Variants in ZFTRAF1 observed in about 807,000 individuals in gnomAD.
The protein encoded by ZFTRAF1 is zinc finger TRAF-type-containing protein 1.
At chr8:144,462,860 C>G in the ZFTRAF1 span, 3 of 152,782 alleles carry the variant, frequency 2.0e-5, no homozygotes, top group African/African-American at 4.8e-5. Context: ...TCTTTGTTTT[C>G]GCTGTGCGCT....
the ZFTRAF1 span, chr8:144,462,756 C>G: frequency 6.7e-6 from 1 of 150,116 alleles, no homozygotes; most frequent in South Asian, 1.8e-4. Flanking sequence ...CCGCCGCGAA[C>G]CCGCAGCCCC....
the ZFTRAF1 span, chr8:144,451,274 T>C: frequency 6.2e-6 from 1 of 160,926 alleles, no homozygotes; most frequent in African/African-American, 2.4e-5. Flanking sequence ...CAGGCAGCCC[T>C]GCCTGCACAG....
the ZFTRAF1 span, among the ~76,000 whole-genome samples, chr8:144,460,612 G>A: frequency 6.6e-6 from 1 of 152,260 alleles, no homozygotes; most frequent in Non-Finnish European, 1.5e-5. Context: ...GCCAAGCGCA[G>A]TGGCTCATGC....
chr8:144,453,693 G>A, the ZFTRAF1 span: 1 of 538,066 alleles, frequency 1.9e-6, no homozygotes, highest in Non-Finnish European at 3.3e-6. Flanking sequence ...TAAAAGCAAG[G>A]CCTCATCAGC....
chr8:144,454,875 G>A, the ZFTRAF1 span: 1 of 152,312 alleles, frequency 6.6e-6, no homozygotes, highest in African/African-American at 2.4e-5. Flanking sequence ...TGTTCACTCA[G>A]CACCTGTGGA....
the ZFTRAF1 span, chr8:144,452,687 C>T: frequency 1.1e-6 from 1 of 945,792 alleles, no homozygotes; most frequent in South Asian, 1.6e-5. Flanking sequence ...ACACACGTAA[C>T]TGTGAGCCCA....
At chr8:144,462,397 CGCCTCGGCT>C in the ZFTRAF1 span, 4 of 425,424 alleles carry the variant, frequency 9.4e-6, no homozygotes, top group Non-Finnish European at 8.3e-6. Context: ...CCGCCTCGGC[CGCCTCGGCT>C]GCCCGCAGCC....
At chr8:144,457,272 C>G in the ZFTRAF1 span, 1 of 152,100 alleles carries the variant, frequency 6.6e-6, no homozygotes, top group Non-Finnish European at 1.5e-5. Flanking sequence ...GTGCTGGGCT[C>G]AGACGCCAGC....
the ZFTRAF1 span, chr8:144,457,179 GTCATGGGGGAATGACA>G: frequency 1.3e-5 from 2 of 149,116 alleles, no homozygotes; most frequent in African/African-American, 5.0e-5. Context: ...GGGGAATGAT[GTCATGGGGGAATGACA>G]TCACGGGGGA....
the ZFTRAF1 span, chr8:144,453,844 C>T: frequency 4.9e-6 from 1 of 203,352 alleles, no homozygotes; most frequent in Non-Finnish European, 1.0e-5. Flanking sequence ...ACACTGGGCT[C>T]TTGGCCATCA....
chr8:144,453,537 C>A, the ZFTRAF1 span: 1 of 1,345,110 alleles, frequency 7.4e-7, no homozygotes, highest in Non-Finnish European at 1.0e-6. Flanking sequence ...TGCCCATCAG[C>A]TCCAGCCAGG....
At chr8:144,462,177 G>A in the ZFTRAF1 span, 2 of 367,496 alleles carry the variant, frequency 5.4e-6, no homozygotes, top group Non-Finnish European at 9.7e-6. Context: ...GTTCCCGGCC[G>A]CCGGGCCCCG....
At chr8:144,450,190 T>G in the ZFTRAF1 span, 1 of 567,694 alleles carries the variant, frequency 1.8e-6, no homozygotes, top group Non-Finnish European at 3.2e-6. Flanking sequence ...GAGGCAGGGG[T>G]CGGGGGGGTG....
At chr8:144,455,104 TAGG>T in the ZFTRAF1 span, 1 of 152,174 alleles carries the variant, frequency 6.6e-6, no homozygotes, top group Non-Finnish European at 1.5e-5. Context: ...CACCTGAGGT[TAGG>T]AGTTCATGAC....
At chr8:144,462,340 G>C in the ZFTRAF1 span, 10 of 511,534 alleles carry the variant, frequency 2.0e-5, no homozygotes, top group African/African-American at 6.0e-5. Context: ...GCACCGAGTA[G>C]AGCCGCTCCT....
the ZFTRAF1 span, chr8:144,450,358 C>G: frequency 1.4e-6 from 1 of 706,844 alleles, no homozygotes; most frequent in Non-Finnish European, 2.6e-6. Flanking sequence ...GTGGGCTCCT[C>G]GGACATCCTG....
the ZFTRAF1 span, chr8:144,450,871 A>T: frequency 1.6e-6 from 1 of 606,150 alleles, no homozygotes; most frequent in Non-Finnish European, 3.0e-6. Flanking sequence ...TCAGCCGGGG[A>T]GGAAGGCAAC....
chr8:144,451,581 C>T, the ZFTRAF1 span: 1 of 154,264 alleles, frequency 6.5e-6, no homozygotes, highest in African/African-American at 2.4e-5. Context: ...CTGCCCACGA[C>T]CACCCTGCTT....
At chr8:144,452,167 C>T in the ZFTRAF1 span, 4 of 712,676 alleles carry the variant, frequency 5.6e-6, no homozygotes, top group East Asian at 2.7e-5. Flanking sequence ...TCTGCCTCGG[C>T]CCCTCCTTCC....
Sources: gnomAD v4.1 joint callset for allele counts (sites outside exome capture counted in the v4.1 genomes callset) on GRCh38, gnomAD v4.1.1 for gene constraint, MANE v1.5 for transcripts, NCBI Gene and HGNC (gene_info 2026-07-23, HGNC 2026-07-21) for gene names.